Variants in NRXN1 observed in about 807,000 individuals in gnomAD.
NRXN1 encodes neurexin 1.
In NRXN1, 39 loss-of-function variants were observed where a neutral mutation model predicts 150.9. The observed-to-expected ratio is 0.26, with a 90% CI of 0.20 to 0.34. The LOEUF (loss-of-function observed/expected upper bound fraction) is 0.34, where lower values mean the gene tolerates loss of function less well. NRXN1 is among the 10% of genes least tolerant of loss of function. NRXN1 has a pLI of 1.00. For synonymous variants in NRXN1, 924 were observed against 757.0 expected, an observed-to-expected ratio of 1.22 and a Z score of -3.62; for missense variants, 1,815 against 1,949.9, an observed-to-expected ratio of 0.93 and a Z score of 1.30.
chr2:51,001,704 CA>C (rs1700101463), intron 2 of NRXN1, among the ~76,000 whole-genome samples: 1 of 151,964 alleles, frequency 6.6e-6, no homozygotes, highest in Non-Finnish European at 1.5e-5. Context: ...GCAACTGTCT[CA>C]TTTCATTCTT....
chr2:50,026,009 T>C (rs1688225342), intron 21 of NRXN1, among the ~76,000 whole-genome samples: 1 of 152,236 alleles, frequency 6.6e-6, no homozygotes, highest in Admixed American at 6.5e-5. Context: ...ACTGGCTTAG[T>C]AGTGGATATT....
At chr2:50,608,166 G>C (rs1444316012) in intron 8 of NRXN1, among the ~76,000 whole-genome samples, 1 of 151,956 alleles carries the variant, frequency 6.6e-6, no homozygotes, top group African/African-American at 2.4e-5. Context: ...TCTAAAATCT[G>C]GATTTGAGTT....
chr2:50,107,257 T>TAAAAAA (rs3046682), intron 18 of NRXN1, among the ~76,000 whole-genome samples: 1 of 143,848 alleles, frequency 7.0e-6, no homozygotes. Context: ...TCTGATACAT[T>TAAAAAA]AAAAAAAAAA....
At position 50,515,600 on chromosome 2, in the gene NRXN1, G is replaced by GGTGTGTGTGTGT. The variant is rs60612860; in HGVS notation, c.2375-8995_2375-8984dup. Among the ~76,000 whole-genome samples the GGTGTGTGTGTGT allele has an allele frequency of 5.0e-3, 722 of 143,492 alleles. 8 individuals are homozygous for GGTGTGTGTGTGT. The highest frequency in any genetic ancestry group is 0.018 in the African/African-American group (680 of 38,708). The allele number at this position is 143,492 out of a possible 152,430, so 94.1% of individuals were successfully genotyped here. ...ATAGAAACATTCATTAAATGCTTGG[G>GGTGTGTGTGTGT]GTGTGTGTGTGTGTGTGTGTGTGTG... On this transcript the variant is annotated intron_variant, in intron 12 of 22. Transcript: ENST00000401669.
intron 21 of NRXN1, among the ~76,000 whole-genome samples, chr2:50,028,749 T>C (rs551387063): frequency 6.6e-6 from 1 of 152,364 alleles, no homozygotes; most frequent in South Asian, 2.1e-4. Context: ...TAATCTTACA[T>C]TTGTTTTTTC....
chr2:50,119,745 C>CCAT (rs1703601209), intron 18 of NRXN1, among the ~76,000 whole-genome samples: 1 of 152,076 alleles, frequency 6.6e-6, no homozygotes, highest in South Asian at 2.1e-4. Flanking sequence ...CCCGGTTCAC[C>CCAT]CATCAGTCTT....
chr2:50,564,025 G>T (rs1046359610), intron 8 of NRXN1, among the ~76,000 whole-genome samples: 25 of 152,140 alleles, frequency 1.6e-4, no homozygotes, highest in African/African-American at 5.6e-4. Context: ...GTATAAGTTT[G>T]TTCTGTAATT....
chr2:50,935,094 G>C (rs1038760273), intron 2 of NRXN1, among the ~76,000 whole-genome samples: 1 of 152,120 alleles, frequency 6.6e-6, no homozygotes, highest in African/African-American at 2.4e-5. Context: ...TTCAATGTAA[G>C]AGTTTAATAA....
chr2:49,971,542 A>G (rs1677961402), intron 21 of NRXN1, among the ~76,000 whole-genome samples: 2 of 152,104 alleles, frequency 1.3e-5, no homozygotes, highest in African/African-American at 4.8e-5. Context: ...GGCAACCTTG[A>G]TTGTGCAAAG....
chr2:50,683,646 A>AAAAAAAAAAAAATATATATATATATATAT, intron 5 of NRXN1, among the ~76,000 whole-genome samples: 12 of 14,886 alleles, frequency 8.1e-4, no homozygotes, highest in Admixed American at 1.1e-3. Context: ...AAAAAAAAAA[A>AAAAAAAAAAAAATATATATATATATATAT]ATATATATAT....
Position 50,260,350 on chromosome 2 carries a change from C to G in NRXN1, c.3365-23380G>C, listed in dbSNP as rs539135879. On this transcript the variant is annotated intron_variant, in intron 17 of 22. Coordinates refer to ENST00000401669, the MANE Select transcript of NRXN1 (RefSeq NM_001330078.2). ...AAATTGTCATATTAAATATGCAACTCCATTGTGAAAACAGTATAAATGGTG... is the reference window on the plus strand; with the variant it reads ...AAATTGTCATATTAAATATGCAACTGCATTGTGAAAACAGTATAAATGGTG... Among the ~76,000 whole-genome samples, 52 of 151,956 alleles carry G rather than the reference C, an allele frequency of 3.4e-4. No individual in the cohort carries two copies. The South Asian group carries it at 6.4e-3, about 19-fold the overall frequency.
chr2:49,937,358 A>G (rs1324258219), intron 22 of NRXN1, among the ~76,000 whole-genome samples: 1 of 152,256 alleles, frequency 6.6e-6, no homozygotes, highest in East Asian at 1.9e-4. Context: ...TCCTATTGCA[A>G]TAGCCTTGAC....
intron 17 of NRXN1, among the ~76,000 whole-genome samples, chr2:50,284,627 A>C (rs1045033997): frequency 1.3e-5 from 2 of 152,196 alleles, no homozygotes; most frequent in African/African-American, 4.8e-5. Flanking sequence ...TCTTCTGTTT[A>C]TCCTTACTCA....
intron 21 of NRXN1, among the ~76,000 whole-genome samples, chr2:49,988,724 G>A (rs1681402081): frequency 6.6e-6 from 1 of 151,894 alleles, no homozygotes; most frequent in African/African-American, 2.4e-5. Flanking sequence ...GCAAGATAAT[G>A]GGAGGGAAAA....
intron 21 of NRXN1, among the ~76,000 whole-genome samples, chr2:50,028,672 C>A (rs1344707285): frequency 6.6e-6 from 1 of 152,220 alleles, no homozygotes; most frequent in Non-Finnish European, 1.5e-5. Context: ...CAGTATGCAA[C>A]AAATGAGCCA....
intron 17 of NRXN1, among the ~76,000 whole-genome samples, chr2:50,387,997 T>C (rs1171548857): frequency 6.6e-6 from 1 of 152,170 alleles, no homozygotes; most frequent in Non-Finnish European, 1.5e-5. Flanking sequence ...ATTTCTCAAC[T>C]GATTTTGAAG....
intron 5 of NRXN1, among the ~76,000 whole-genome samples, chr2:50,651,522 A>AACATG (rs1455683294): frequency 2.8e-5 from 4 of 141,984 alleles, no homozygotes; most frequent in Non-Finnish European, 4.8e-5. Flanking sequence ...AACATGACAT[A>AACATG]ACATAACATA....
chr2:50,626,956 G>A (rs1317541201), intron 5 of NRXN1, among the ~76,000 whole-genome samples: 1 of 151,764 alleles, frequency 6.6e-6, no homozygotes, highest in Non-Finnish European at 1.5e-5. Context: ...TGGAAAAACA[G>A]ATATGTATTG....
At chr2:50,155,569 T>C (rs936680293) in intron 18 of NRXN1, among the ~76,000 whole-genome samples, 4 of 151,660 alleles carry the variant, frequency 2.6e-5, no homozygotes, top group Non-Finnish European at 4.4e-5. Context: ...AAGATCCTTC[T>C]CTAGAATAAA....
Sources: gnomAD v4.1 joint callset for allele counts (sites outside exome capture counted in the v4.1 genomes callset) on GRCh38, gnomAD v4.1.1 for gene constraint, MANE v1.5 for transcripts, NCBI Gene and HGNC (gene_info 2026-07-23, HGNC 2026-07-21) for gene names.